The following LAP3 variants were observed in gnomAD, a reference collection of about 807,000 sequenced individuals.
LAP3 encodes leucine aminopeptidase 3.
LAP3 carries 46 observed loss-of-function variants against 58.8 expected under a neutral mutation model. The observed-to-expected ratio is 0.78, with a 90% CI of 0.62 to 1.00. The LOEUF is 1.00. Among genes scored for constraint, LAP3 ranks in the 50% least tolerant of loss-of-function variants. LAP3 has a pLI of 0.00. For missense variants in LAP3, 615 were observed against 659.1 expected (o/e 0.93, Z 0.73); for synonymous variants, 257 against 237.7 (o/e 1.08, Z -0.75).
At chr4:17,577,973 G>T (rs1306746874) in intron 1 of LAP3, among the ~76,000 whole-genome samples, 1 of 152,202 alleles carries the variant, frequency 6.6e-6, no homozygotes, top group East Asian at 1.9e-4. Context: ...TCCTTCCCCC[G>T]CGGAAGTGAA....
chr4:17,577,323 C>T lies in LAP3; in HGVS notation c.-143C>T, dbSNP rs935551238. On this transcript the variant is annotated 5_prime_UTR_variant, in exon 1 of 13. Coordinates refer to ENST00000226299, the MANE Select transcript of LAP3 (RefSeq NM_015907.3). Reference sequence around the variant, plus strand: ...CCGGTGCTGCCCATCCGTCCCGCCCCCTAGACGCACGTCCGCTCGCCCGGC... The same window carrying T: ...CCGGTGCTGCCCATCCGTCCCGCCCTCTAGACGCACGTCCGCTCGCCCGGC... 5 of 401,960 alleles carry T rather than the reference C, an allele frequency of 1.2e-5. No individual in the cohort carries two copies. In the African/African-American group the frequency reaches 1.4e-4, roughly 11 times the overall value. 24.9% of individuals were successfully genotyped at this position (401,960 alleles called of 1,614,324 possible). A position where few individuals can be genotyped will look rare whatever the true frequency, so the allele number is the denominator to read the frequency against.
chr4:17,583,860 C>A (rs73800292), intron 5 of LAP3, among the ~76,000 whole-genome samples: 13,397 of 152,250 alleles, frequency 0.088, 1,954 homozygotes, highest in African/African-American at 0.31. Flanking sequence ...ACTCCCTGAC[C>A]CCTCCCTGCT....
At chr4:17,605,147 C>T (rs1714089621) in intron 11 of LAP3, among the ~76,000 whole-genome samples, 1 of 151,136 alleles carries the variant, frequency 6.6e-6, no homozygotes, top group Admixed American at 6.6e-5. Flanking sequence ...CACACACACA[C>T]ACCCTCACTT....
Position 17,584,544 on chromosome 4 carries a change from G to A in LAP3, c.540-428G>A, listed in dbSNP as rs115735576. 2.6e-3 allele frequency among the ~76,000 whole-genome samples: 390 copies of A among 152,342 alleles called. 3 individuals are homozygous for A. The highest frequency in any genetic ancestry group is 8.9e-3 in the African/African-American group (368 of 41,574). On this transcript the variant is annotated intron_variant, in intron 5 of 12. Transcript: ENST00000226299. Reference sequence around the variant, plus strand: ...AAGCAAAAAGGTCTTCAGTTGCCACGTTAGAGCCATTGCCATACGCTTGCT... The same window carrying A: ...AAGCAAAAAGGTCTTCAGTTGCCACATTAGAGCCATTGCCATACGCTTGCT...
At chr4:17,583,677 C>G (rs373337330) in intron 5 of LAP3, 35 bp downstream of exon 5, 1 of 1,611,498 alleles carries the variant, frequency 6.2e-7, no homozygotes, top group East Asian at 2.2e-5. Context: ...GGTGGTGCTC[C>G]CTGGCGTTCT....
chr4:17,595,094 C>T (rs540210146), intron 7 of LAP3, among the ~76,000 whole-genome samples: 6 of 148,682 alleles, frequency 4.0e-5, no homozygotes, highest in Non-Finnish European at 7.4e-5. Context: ...GTCAGGAGAT[C>T]GAGACCATCC....
intron 6 of LAP3, 71 bp from the exon 7 acceptor site, chr4:17,588,748 G>C: frequency 7.0e-7 from 1 of 1,427,216 alleles, no homozygotes; most frequent in East Asian, 2.3e-5. Flanking sequence ...CACACACTGT[G>C]ATGAGCTTTT....
chr4:17,604,742 T>C, intron 11 of LAP3, 75 bp downstream of exon 11: 1 of 1,143,200 alleles, frequency 8.7e-7, no homozygotes, highest in Admixed American at 1.9e-5. Context: ...GATAGACTTC[T>C]TCAACCCTGT....
chr4:17,591,802 A>T (rs1438456201), intron 7 of LAP3, among the ~76,000 whole-genome samples: 1 of 152,204 alleles, frequency 6.6e-6, no homozygotes, highest in Non-Finnish European at 1.5e-5. Context: ...CTAGAGAGGT[A>T]CACAGAAGCT....
chr4:17,591,789 C>T (rs1713693506), intron 7 of LAP3, among the ~76,000 whole-genome samples: 1 of 152,102 alleles, frequency 6.6e-6, no homozygotes, highest in African/African-American at 2.4e-5. Flanking sequence ...GGGCAAGATA[C>T]GGCTAGAGAG....
At chr4:17,582,579 G>C in intron 4 of LAP3, 186 bp downstream of exon 4, 1 of 552,298 alleles carries the variant, frequency 1.8e-6, no homozygotes, top group South Asian at 2.3e-5. Context: ...CAGAAGGTTA[G>C]CTAATGGAAT....
chr4:17,585,039 A>G lies in LAP3; in HGVS notation c.607A>G (p.Met203Val). The change falls in exon 6 of 13, where the codon ATG becomes GTG. Residue 203 changes from methionine to valine, a missense_variant. Coordinates refer to ENST00000226299, the MANE Select transcript of LAP3 (RefSeq NM_015907.3). ...TGGGCAGAACTTGGCACGCCAATTG[A>G]TGGAGACGCCAGCCAATGAGATGAC... The part of the protein sequence containing the change: ...ASGQNLARQL[M>V]ETPANEMTPT... The G allele has an allele frequency of 6.2e-7, 1 of 1,614,126 alleles. No homozygotes were observed. The highest frequency in any genetic ancestry group is 8.5e-7 in the Non-Finnish European group (1 of 1,179,996).
Position 17,580,876 on chromosome 4 carries a change from C to T in LAP3, c.219-884C>T, listed in dbSNP as rs551701861. Among the ~76,000 whole-genome samples, 39 of 152,216 alleles carry T rather than the reference C, an allele frequency of 2.6e-4. 1 individual carries two copies. The highest frequency in any genetic ancestry group is 1.9e-4 in the East Asian group (1 of 5,182). The stretch of plus-strand genomic sequence containing the variant: ...TAAACCACTGCAACTATGTATTATT[C>T]GGATTATAGATAGCCTATTGGAACC... On this transcript the variant is annotated intron_variant, in intron 2 of 12. Transcript: ENST00000226299.
At chr4:17,605,880 GCAGC>G (rs1473632269) in intron 11 of LAP3, among the ~76,000 whole-genome samples, 1 of 152,140 alleles carries the variant, frequency 6.6e-6, no homozygotes, top group Non-Finnish European at 1.5e-5. Context: ...TTTCCAGAAG[GCAGC>G]CACTTTCAAC....
At chr4:17,580,866 A>G (rs746871409) in intron 2 of LAP3, among the ~76,000 whole-genome samples, 36 of 152,202 alleles carry the variant, frequency 2.4e-4, no homozygotes, top group Non-Finnish European at 4.7e-4. Context: ...CACTGCAACT[A>G]TGTATTATTC....
intron 4 of LAP3, 82 bp from the exon 5 acceptor site, chr4:17,583,401 C>T (rs1713415592): frequency 1.3e-6 from 2 of 1,488,052 alleles, no homozygotes; most frequent in Non-Finnish European, 9.3e-7. Context: ...GTTTTCTCAG[C>T]ACATCACATC....
At chr4:17,590,619 T>A (rs1258281432) in intron 7 of LAP3, among the ~76,000 whole-genome samples, 1 of 152,224 alleles carries the variant, frequency 6.6e-6, no homozygotes, top group Non-Finnish European at 1.5e-5. Flanking sequence ...TTGCCCAGGC[T>A]GGAGTGCAGT....
chr4:17,577,205 A>C lies in LAP3; in HGVS notation c.-261A>C. The C allele has an allele frequency of 3.4e-6, 1 of 298,358 alleles. No individual in the cohort carries two copies. Among genetic ancestry groups the C allele is most frequent in the Non-Finnish European group, 5.6e-6 (1 of 177,824 alleles). The allele number at this position is 298,358 out of a possible 1,614,324, so 18.5% of individuals were successfully genotyped here. A position where few individuals can be genotyped will look rare whatever the true frequency, so the allele number is the denominator to read the frequency against. Reference sequence around the variant, plus strand: ...CCGCCCGCATGCGCGGGCGCACACGAATGCGGGCGCACACGAATGCGGGCG... The same window carrying C: ...CCGCCCGCATGCGCGGGCGCACACGCATGCGGGCGCACACGAATGCGGGCG... On this transcript the variant is annotated 5_prime_UTR_variant, in exon 1 of 13. Transcript: ENST00000226299.
chr4:17,597,996 TG>T (rs1229554690), intron 9 of LAP3, among the ~76,000 whole-genome samples: 1 of 152,236 alleles, frequency 6.6e-6, no homozygotes, highest in African/African-American at 2.4e-5. Flanking sequence ...GCCATGTAGC[TG>T]TAGCTTTCTT....
Sources: allele counts gnomAD v4.1 joint callset (sites outside exome capture counted in the v4.1 genomes callset), GRCh38; gene constraint gnomAD v4.1.1; transcripts MANE v1.5; gene names NCBI Gene and HGNC (gene_info 2026-07-23, HGNC 2026-07-21).